Variants in ZNF704 observed in about 807,000 individuals in gnomAD.
ZNF704 encodes the protein zinc finger protein 704, also known as glucocorticoid induced gene 1.
Under a neutral mutation model 44.7 loss-of-function variants are expected in ZNF704, and 10 were observed. That is an observed-to-expected ratio of 0.22 (90% CI 0.14 to 0.38). The LOEUF is 0.38. Among genes scored for constraint, ZNF704 ranks in the 10% least tolerant of loss-of-function variants. The pLI is 1.00. For missense variants in ZNF704, 390 were observed against 545.5 expected (o/e 0.71, Z 2.84); for synonymous variants, 211 against 207.6 (o/e 1.02, Z -0.14).
At chr8:80,707,083 T>C (rs1818910622) in intron 2 of ZNF704, among the ~76,000 whole-genome samples, 1 of 152,224 alleles carries the variant, frequency 6.6e-6, no homozygotes, top group Admixed American at 6.5e-5. Context: ...TGGGTTGATG[T>C]CACTCCCCCA....
At chr8:80,872,018 C>T (rs1208904618) in intron 1 of ZNF704, among the ~76,000 whole-genome samples, 4 of 152,174 alleles carry the variant, frequency 2.6e-5, no homozygotes, top group African/African-American at 7.2e-5. Flanking sequence ...AGCTTGTTTT[C>T]ATCACAGAGC....
At chr8:80,847,172 T>C (rs1314067833) in intron 1 of ZNF704, among the ~76,000 whole-genome samples, 1 of 151,810 alleles carries the variant, frequency 6.6e-6, no homozygotes, top group African/African-American at 2.4e-5. Context: ...GACTCCATCT[T>C]AAAAATAAAA....
At chr8:80,799,287 C>T (rs974549508) in intron 2 of ZNF704, among the ~76,000 whole-genome samples, 15 of 152,140 alleles carry the variant, frequency 9.9e-5, no homozygotes, top group Non-Finnish European at 1.6e-4. Context: ...ATTTATTTTG[C>T]AATATGCTGA....
intron 2 of ZNF704, among the ~76,000 whole-genome samples, chr8:80,809,929 C>A (rs1307566497): frequency 6.6e-6 from 1 of 152,022 alleles, no homozygotes; most frequent in Non-Finnish European, 1.5e-5. Flanking sequence ...TTCCATGCAG[C>A]TGCCCAAGCC....
rs1223913209 is a variant in ZNF704, at chr8:80,709,328, C to T, written c.222-16221G>A. 2.0e-5 allele frequency among the ~76,000 whole-genome samples: 3 copies of T among 151,020 alleles called. 1 individual carries two copies. The highest frequency in any genetic ancestry group is 7.3e-5 in the African/African-American group (3 of 41,028). ...GCATGGTGGCGGGCGCGTGTAGTCCCAGCTACTCAGGAGGCTGAGGCAGGA... is the reference window on the plus strand; with the variant it reads ...GCATGGTGGCGGGCGCGTGTAGTCCTAGCTACTCAGGAGGCTGAGGCAGGA... On this transcript the variant is annotated intron_variant, in intron 2 of 8. Coordinates refer to ENST00000327835, the MANE Select transcript of ZNF704 (RefSeq NM_001033723.3).
chr8:80,873,822 C>G (rs868501312), intron 1 of ZNF704, among the ~76,000 whole-genome samples: 1 of 148,362 alleles, frequency 6.7e-6, no homozygotes, highest in Non-Finnish European at 1.5e-5. Flanking sequence ...GCGGCGGCCC[C>G]GGTGGCCCGA....
chr8:80,773,766 T>G (rs1237166461), intron 2 of ZNF704, among the ~76,000 whole-genome samples: 3 of 152,204 alleles, frequency 2.0e-5, no homozygotes, highest in African/African-American at 7.2e-5. Flanking sequence ...TTCACCTCCA[T>G]AGTTTCTCAG....
chr8:80,771,472 A>G (rs996141567), intron 2 of ZNF704, among the ~76,000 whole-genome samples: 1 of 152,144 alleles, frequency 6.6e-6, no homozygotes, highest in Admixed American at 6.5e-5. Context: ...TTTAAATGAT[A>G]CTGTATTTTA....
intron 2 of ZNF704, among the ~76,000 whole-genome samples, chr8:80,818,139 T>A (rs994190901): frequency 6.6e-6 from 1 of 152,154 alleles, no homozygotes; most frequent in African/African-American, 2.4e-5. Flanking sequence ...TATATAAACC[T>A]CAGAAAATAA....
intron 4 of ZNF704, 138 bp downstream of exon 4, chr8:80,687,088 A>G (rs1585952805): frequency 1.4e-6 from 1 of 696,434 alleles, no homozygotes; most frequent in East Asian, 2.6e-5. Context: ...CTTCAAGAAC[A>G]TTAAAGAGGA....
At chr8:80,807,595 G>A (rs975988501) in intron 2 of ZNF704, among the ~76,000 whole-genome samples, 3 of 151,640 alleles carry the variant, frequency 2.0e-5, no homozygotes, top group Non-Finnish European at 2.9e-5. Context: ...CAATATATGC[G>A]CTCGTTTAGC....
chr8:80,806,718 G>T (rs1213241252), intron 2 of ZNF704, among the ~76,000 whole-genome samples: 1 of 152,166 alleles, frequency 6.6e-6, no homozygotes, highest in Non-Finnish European at 1.5e-5. Context: ...AAGAGTGGGA[G>T]CTGTGCCATG....
rs192438296 is a variant in ZNF704, at chr8:80,650,354, G to A, written c.1033-7225C>T. Among the ~76,000 whole-genome samples the A allele has an allele frequency of 2.4e-4, 36 of 152,214 alleles. 1 individual carries two copies. The East Asian group carries it at 6.0e-3, about 25-fold the overall frequency. ...AAGTTGAGAGAAGAAGGCTTCAGAC[G>A]ATCAAACTACTCCGAGCTAAAGGAG... On this transcript the variant is annotated intron_variant, in intron 7 of 8. Coordinates refer to ENST00000327835, the MANE Select transcript of ZNF704 (RefSeq NM_001033723.3).
chr8:80,812,134 T>C (rs1808094842), intron 2 of ZNF704: 1 of 152,530 alleles, frequency 6.6e-6, no homozygotes, highest in Non-Finnish European at 1.5e-5. Context: ...AATTTATCCA[T>C]CATAATTGTC....
intron 2 of ZNF704, among the ~76,000 whole-genome samples, chr8:80,802,128 G>T (rs1254759846): frequency 9.8e-6 from 1 of 101,866 alleles, no homozygotes; most frequent in Non-Finnish European, 1.9e-5. Context: ...GAACCAGGAA[G>T]AAACAGAATC....
chr8:80,643,394 T>A (rs1321237477), intron 7 of ZNF704, among the ~76,000 whole-genome samples: 1 of 151,792 alleles, frequency 6.6e-6, no homozygotes, highest in African/African-American at 2.4e-5. Context: ...GTTGTGTGCC[T>A]GTAATCCCAG....
intron 2 of ZNF704, among the ~76,000 whole-genome samples, chr8:80,709,336 C>G (rs551831809): frequency 6.8e-6 from 1 of 146,792 alleles, no homozygotes; most frequent in Non-Finnish European, 1.5e-5. Flanking sequence ...CCCAGCTACT[C>G]AGGAGGCTGA....
chr8:80,780,405 T>C (rs991156240), intron 2 of ZNF704, among the ~76,000 whole-genome samples: 1 of 152,132 alleles, frequency 6.6e-6, no homozygotes, highest in Non-Finnish European at 1.5e-5. Context: ...GGAAACTGAC[T>C]GGCTGTTGGG....
At chr8:80,836,293 G>T (rs541876000) in intron 1 of ZNF704, among the ~76,000 whole-genome samples, 6 of 152,206 alleles carry the variant, frequency 3.9e-5, no homozygotes, top group African/African-American at 1.4e-4. Flanking sequence ...CTGCATCCAG[G>T]CCTTTTTACT....
Sources: gnomAD v4.1 joint callset for allele counts (sites outside exome capture counted in the v4.1 genomes callset) on GRCh38, gnomAD v4.1.1 for gene constraint, MANE v1.5 for transcripts, NCBI Gene and HGNC (gene_info 2026-07-23, HGNC 2026-07-21) for gene names.